GABRG3: variants seen among roughly 807,000 people sequenced by gnomAD.
GABRG3 encodes the protein gamma-aminobutyric acid type A receptor subunit gamma3.
Under a neutral mutation model 48.8 loss-of-function variants are expected in GABRG3, and 25 were observed. That is an observed-to-expected ratio of 0.51 (90% confidence interval 0.37 to 0.72). The LOEUF is 0.72. GABRG3 is among the 30% of genes least tolerant of loss of function. The pLI, the probability that GABRG3 is intolerant of heterozygous loss-of-function variation, is 0.00. For missense variants in GABRG3, 394 were observed against 577.9 expected, an observed-to-expected ratio of 0.68 and a Z score of 3.26; for synonymous variants, 227 against 217.6, an observed-to-expected ratio of 1.04 and a Z score of -0.38.
intron 3 of GABRG3, among the ~76,000 whole-genome samples, chr15:27,128,286 G>C (rs1595540021): frequency 6.6e-6 from 1 of 152,320 alleles, no homozygotes; most frequent in African/African-American, 2.4e-5. Context: ...GTGGTGCTGT[G>C]TGTTGTGTGT....
intron 3 of GABRG3, among the ~76,000 whole-genome samples, chr15:27,028,591 G>A (rs1896024526): frequency 6.6e-6 from 1 of 152,096 alleles, no homozygotes; most frequent in African/African-American, 2.4e-5. Flanking sequence ...CAGATCACAA[G>A]GTCAGGAGTT....
chr15:27,004,203 C>T (rs1445045948), intron 2 of GABRG3, among the ~76,000 whole-genome samples: 27 of 150,908 alleles, frequency 1.8e-4, no homozygotes, highest in African/African-American at 3.4e-4. Context: ...GGGTGGCTGC[C>T]GGGCGGAGGG....
chr15:27,049,515 A>G (rs546326293), intron 3 of GABRG3, among the ~76,000 whole-genome samples: 20 of 152,294 alleles, frequency 1.3e-4, no homozygotes, highest in Non-Finnish European at 1.5e-4. Flanking sequence ...AGGACCGACC[A>G]TAGAAATGAA....
At chr15:27,511,108 T>G (rs890432176) in intron 6 of GABRG3, among the ~76,000 whole-genome samples, 1 of 152,146 alleles carries the variant, frequency 6.6e-6, no homozygotes, top group African/African-American at 2.4e-5. Flanking sequence ...CAATTATCAT[T>G]GACTGTAGGA....
At chr15:26,986,160 A>T (rs954192365) in intron 2 of GABRG3, among the ~76,000 whole-genome samples, 2 of 152,242 alleles carry the variant, frequency 1.3e-5, no homozygotes, top group African/African-American at 4.8e-5. Flanking sequence ...CACCGTGCAT[A>T]CAAATGACTT....
intron 3 of GABRG3, among the ~76,000 whole-genome samples, chr15:27,044,994 C>T (rs1433656788): frequency 6.6e-6 from 1 of 152,204 alleles, no homozygotes; most frequent in Non-Finnish European, 1.5e-5. Context: ...TTTGATTTAA[C>T]AGCAGTCTAA....
intron 5 of GABRG3, among the ~76,000 whole-genome samples, chr15:27,461,514 C>T (rs1392520272): frequency 2.0e-5 from 3 of 152,122 alleles, no homozygotes; most frequent in South Asian, 2.1e-4. Context: ...AGAGTTATTG[C>T]GAAGAGAAAC....
intron 6 of GABRG3, among the ~76,000 whole-genome samples, chr15:27,510,803 C>T (rs565643269): frequency 3.9e-5 from 6 of 152,202 alleles, no homozygotes; most frequent in East Asian, 3.9e-4. Context: ...AAAAACTATC[C>T]GTTACTTTAC....
At chr15:27,228,792 T>A (rs1399608173) in intron 3 of GABRG3, among the ~76,000 whole-genome samples, 1 of 152,262 alleles carries the variant, frequency 6.6e-6, no homozygotes, top group Admixed American at 6.5e-5. Context: ...ATTGTGGTTT[T>A]GATTTGCGTT....
At chr15:27,513,185 T>C (rs1595803204) in intron 6 of GABRG3, among the ~76,000 whole-genome samples, 2 of 152,006 alleles carry the variant, frequency 1.3e-5, no homozygotes, top group East Asian at 3.9e-4. Flanking sequence ...CAGTAGCTCA[T>C]GCCTGTAATC....
At chr15:27,511,773 A>G (rs540324506) in intron 6 of GABRG3, among the ~76,000 whole-genome samples, 4 of 152,352 alleles carry the variant, frequency 2.6e-5, no homozygotes, top group African/African-American at 9.6e-5. Context: ...GAGCAGGGAA[A>G]GGGGTAACAG....
At chr15:26,983,615 A>G (rs1427534466) in intron 2 of GABRG3, among the ~76,000 whole-genome samples, 2 of 152,054 alleles carry the variant, frequency 1.3e-5, no homozygotes, top group African/African-American at 4.8e-5. Flanking sequence ...TACAAAAATA[A>G]TAGTAAAAAA....
intron 3 of GABRG3, among the ~76,000 whole-genome samples, chr15:27,174,305 C>T (rs987763821): frequency 6.6e-6 from 1 of 152,148 alleles, no homozygotes; most frequent in African/African-American, 2.4e-5. Flanking sequence ...AAAGATTTGT[C>T]TGCTTGCTTT....
rs925956580 is a variant in GABRG3 at position 27,225,339 on chromosome 15, G to A, written c.271-101470G>A. Among the ~76,000 whole-genome samples the A allele has an allele frequency of 9.2e-5, 14 of 151,958 alleles. No individual in the cohort carries two copies. In the South Asian group the frequency reaches 1.9e-3, roughly 20 times the overall value. The stretch of plus-strand genomic sequence containing the variant: ...GCAGAACTGGAGCCGCCACCTCCCC[G>A]CCCCCCTCCACGTGGAGGCAGGCAG... On this transcript the variant is annotated intron_variant, in intron 3 of 9. Coordinates refer to ENST00000615808, the MANE Select transcript of GABRG3 (RefSeq NM_033223.5).
intron 5 of GABRG3, among the ~76,000 whole-genome samples, chr15:27,417,325 T>G (rs1409261786): frequency 6.6e-6 from 1 of 152,140 alleles, no homozygotes; most frequent in Non-Finnish European, 1.5e-5. Context: ...TTAATGTGGG[T>G]GACACTCATC....
chr15:27,110,845 T>G (rs556849608), intron 3 of GABRG3, among the ~76,000 whole-genome samples: 23 of 152,212 alleles, frequency 1.5e-4, no homozygotes, highest in Non-Finnish European at 3.2e-4. Flanking sequence ...TTTTGCAGTT[T>G]GAGTATGAAA....
rs183673682 is a variant in GABRG3, at chr15:27,349,846, G to T, written c.574+20958G>T. Among the ~76,000 whole-genome samples the T allele has an allele frequency of 1.2e-4, 19 of 152,006 alleles. No individual in the cohort carries two copies. The East Asian group carries it at 2.3e-3, about 19-fold the overall frequency. On this transcript the variant is annotated intron_variant, in intron 5 of 9. Transcript: ENST00000615808. ...CAGTTGCACTGGATTCTCTCTCCCCGGGACATGTCCTTTCTGGCTCTCTAT... is the reference window on the plus strand; with the variant it reads ...CAGTTGCACTGGATTCTCTCTCCCCTGGACATGTCCTTTCTGGCTCTCTAT...
intron 5 of GABRG3, among the ~76,000 whole-genome samples, chr15:27,465,430 T>A (rs576273614): frequency 6.6e-6 from 1 of 152,364 alleles, no homozygotes; most frequent in East Asian, 1.9e-4. Context: ...CTTTCCTTTG[T>A]GCCAACTGAT....
chr15:27,248,803 C>CACACACACAGAGAGAGAGAG (rs1377080195), intron 3 of GABRG3, among the ~76,000 whole-genome samples: 2 of 110,176 alleles, frequency 1.8e-5, no homozygotes, highest in African/African-American at 7.8e-5. Flanking sequence ...CACACACACA[C>CACACACACAGAGAGAGAGAG]AGAGAGAGAG....
Sources: gnomAD v4.1 joint callset for allele counts (sites outside exome capture counted in the v4.1 genomes callset) on GRCh38, gnomAD v4.1.1 for gene constraint, MANE v1.5 for transcripts, NCBI Gene and HGNC (gene_info 2026-07-23, HGNC 2026-07-21) for gene names.